The following ADAM20 variants were observed in gnomAD, a reference collection of about 807,000 sequenced individuals.
ADAM20 encodes the protein ADAM metallopeptidase domain 20, also known as disintegrin and metalloproteinase domain-containing protein 20.
For missense variants in ADAM20, 871 were observed against 883.2 expected, an observed-to-expected ratio of 0.99 and a Z score of 0.18; for synonymous variants, 305 against 310.2, an observed-to-expected ratio of 0.98 and a Z score of 0.18.
chr14:70,523,325 C>T lies in ADAM20; in HGVS notation c.1433G>A (p.Cys478Tyr), dbSNP rs1367058892. 1 of 1,614,004 alleles carries T rather than the reference C, an allele frequency of 6.2e-7. No individual in the cohort carries two copies. The highest frequency in any genetic ancestry group is 2.2e-5 in the East Asian group (1 of 44,870). The stretch of plus-strand genomic sequence containing the variant: ...TGGGCATTGATGGGATGTCCCATTG[C>T]ACCACTCTGGAAGGTCACATTCACC... ...QVGECDLPEW[C>Y]NGTSHQCPDD... The change falls in exon 2 of 2, where the codon TGC becomes TAC. Residue 478 changes from cysteine (C) to tyrosine (Y), a missense_variant. Physicochemically the swap from Cys to Tyr is radical, Grantham distance 194. Transcript: ENST00000256389.
Position 70,524,570 on chromosome 14 carries a change from T to C in ADAM20, c.188A>G (p.Tyr63Cys), listed in dbSNP as rs1369358329. ...RGAKAPGWLS[Y>C]SLRFGGQRYI... ...TCTCTGTCCCCCAAACCGCAGGCTA[T>C]AGGAGAGCCATCCAGGAGCCTTTGC... Residue 63 changes from tyrosine to cysteine, a missense_variant, in exon 2 of 2, where the codon TAT (tyrosine) becomes TGT (cysteine). Physicochemically the swap from Tyr to Cys is radical, Grantham distance 194. Transcript: ENST00000256389. 3 of 1,613,994 alleles carry C rather than the reference T, an allele frequency of 1.9e-6. No individual in the cohort carries two copies. Among genetic ancestry groups the C allele is most frequent in the African/African-American group, 1.3e-5 (1 of 75,026 alleles).
In ADAM20 at chr14:70,524,950, G is replaced by A. The variant is rs1339437495; in HGVS notation, c.-176-17C>T. 14 of 1,537,434 alleles carry A rather than the reference G, an allele frequency of 9.1e-6. No homozygotes were observed. In the Admixed American group the frequency reaches 2.3e-4, roughly 25 times the overall value. On this transcript the variant is annotated splice_polypyrimidine_tract_variant and intron_variant, in intron 1 of 1. Coordinates refer to ENST00000256389, the MANE Select transcript of ADAM20 (RefSeq NM_003814.5). ...AAATAAAAACTGAAAGAGCCAGGATGGGGTGGGTGGGATAGAAAGGGAGAA... is the reference window on the plus strand; with the variant it reads ...AAATAAAAACTGAAAGAGCCAGGATAGGGTGGGTGGGATAGAAAGGGAGAA...
upstream of ADAM20, among the ~76,000 whole-genome samples, chr14:70,537,124 G>C (rs901918314): frequency 4.6e-5 from 7 of 152,106 alleles, no homozygotes; most frequent in Non-Finnish European, 1.0e-4. Context: ...AGGAAGCAGT[G>C]GACAGCAGCT....
rs2139530524 is a variant in ADAM20, at chr14:70,524,509, AAAC to A, written c.246_248del (p.Leu82del). 4 of 1,614,006 alleles carry A rather than the reference AAAC, an allele frequency of 2.5e-6. No homozygotes were observed. The highest frequency in any genetic ancestry group is 1.3e-5 in the African/African-American group (1 of 75,026). ...AGGTGAACACAGGAAGGTGTGCAGC[AAAC>A]AACAGCTTATTTACCCTCATGTGGA... On this transcript the variant is annotated inframe_deletion, in exon 2 of 2. Transcript: ENST00000256389.
the ADAM20 span, among the ~76,000 whole-genome samples, chr14:70,543,726 CA>C: frequency 5.9e-5 from 9 of 152,100 alleles, no homozygotes; most frequent in Non-Finnish European, 1.0e-4. Context: ...GACAACTACT[CA>C]AAAACATCTA....
rs758885113 is a variant in ADAM20, at chr14:70,524,820, C to T, written c.-63G>A. The T allele has an allele frequency of 1.9e-6, 3 of 1,613,342 alleles. No homozygotes were observed. In the East Asian group the frequency reaches 6.7e-5, roughly 36 times the overall value. ...GAAGAGAACAAGGTGTGAGGCACTG[C>T]TGGTCTGGCTCCTCCCTCTGAGCTG... On this transcript the variant is annotated 5_prime_UTR_variant, in exon 2 of 2. Transcript: ENST00000256389.
chr14:70,569,365 T>C, the ADAM20 span, among the ~76,000 whole-genome samples: 1 of 152,128 alleles, frequency 6.6e-6, no homozygotes, highest in African/African-American at 2.4e-5. Flanking sequence ...AATTACACAA[T>C]TGAGACTACA....
chr14:70,530,240 C>T (rs180995702), intron 1 of ADAM20, among the ~76,000 whole-genome samples: 34 of 152,188 alleles, frequency 2.2e-4, no homozygotes, highest in African/African-American at 6.5e-4. Context: ...TAGCCTAGGT[C>T]GTCACAGGGT....
chr14:70,527,516 T>C (rs150895757), intron 1 of ADAM20, among the ~76,000 whole-genome samples: 2,622 of 152,312 alleles, frequency 0.017, 72 homozygotes, highest in African/African-American at 0.059. Context: ...CTCTCTTTAA[T>C]GGACAAGAAT....
the ADAM20 span, among the ~76,000 whole-genome samples, chr14:70,576,699 CAG>C: frequency 6.6e-6 from 1 of 151,986 alleles, no homozygotes; most frequent in Non-Finnish European, 1.5e-5. Flanking sequence ...AGAAGGAGGT[CAG>C]AACTACGTAG....
intron 1 of ADAM20, among the ~76,000 whole-genome samples, chr14:70,527,338 A>G (rs561255961): frequency 6.6e-6 from 1 of 152,220 alleles, no homozygotes; most frequent in African/African-American, 2.4e-5. Context: ...CTATAGCCTT[A>G]CCTACTTGAA....
the ADAM20 span, among the ~76,000 whole-genome samples, chr14:70,564,144 T>C: frequency 1.3e-5 from 2 of 152,258 alleles, no homozygotes; most frequent in Non-Finnish European, 2.9e-5. Flanking sequence ...GTAGAGCCTG[T>C]GAGCCTGAGA....
chr14:70,562,830 T>C, the ADAM20 span, among the ~76,000 whole-genome samples: 6 of 152,200 alleles, frequency 3.9e-5, no homozygotes, highest in Admixed American at 1.3e-4. Flanking sequence ...AAACCTCCTT[T>C]CTTTATAAAT....
At chr14:70,538,580 T>C (rs117110018), upstream of ADAM20, among the ~76,000 whole-genome samples, 478 of 152,300 alleles carry the variant, frequency 3.1e-3, 14 homozygotes, top group East Asian at 0.055. Context: ...CACTTTGTCT[T>C]CCCATTCTTG....
the ADAM20 span, among the ~76,000 whole-genome samples, chr14:70,577,632 T>C: frequency 2.6e-5 from 4 of 152,148 alleles, no homozygotes; most frequent in Admixed American, 6.5e-5. Context: ...TTCTCACACA[T>C]CCTGATTTCA....
At chr14:70,555,168 T>C in the ADAM20 span, among the ~76,000 whole-genome samples, 1 of 152,182 alleles carries the variant, frequency 6.6e-6, no homozygotes, top group East Asian at 1.9e-4. Context: ...AGTGAATAAG[T>C]TCTGGAAATG....
the ADAM20 span, among the ~76,000 whole-genome samples, chr14:70,567,004 G>C: frequency 6.6e-6 from 1 of 152,004 alleles, no homozygotes; most frequent in Admixed American, 6.6e-5. Flanking sequence ...TGGGAATGCT[G>C]CTCTGCTCCC....
At chr14:70,562,917 G>A in the ADAM20 span, among the ~76,000 whole-genome samples, 15 of 152,296 alleles carry the variant, frequency 9.8e-5, 1 homozygote, top group African/African-American at 3.1e-4. Context: ...AGAAATATAT[G>A]TTTCTGAGTA....
the ADAM20 span, among the ~76,000 whole-genome samples, chr14:70,566,981 CA>C: frequency 8.8e-5 from 13 of 147,166 alleles, no homozygotes; most frequent in Admixed American, 1.4e-4. Flanking sequence ...ATACTCCGTT[CA>C]AAAAAAAAAG....
Sources: allele counts gnomAD v4.1 joint callset (sites outside exome capture counted in the v4.1 genomes callset), GRCh38; gene constraint gnomAD v4.1.1; transcripts MANE v1.5; gene names NCBI Gene and HGNC (gene_info 2026-07-23, HGNC 2026-07-21).